Variants in STAB2 observed in about 807,000 individuals in gnomAD.
STAB2 encodes the protein stabilin-2.
STAB2 carries 288 observed loss-of-function variants against 338.1 expected under a neutral mutation model. The observed-to-expected ratio is 0.85, with a 90% CI of 0.77 to 0.94. The LOEUF is 0.94. STAB2 is among the 40% of genes least tolerant of loss of function. The pLI is 0.00. For missense variants in STAB2, 3,141 were observed against 3,210.1 expected, an observed-to-expected ratio of 0.98 and a Z score of 0.52; for synonymous variants, 1,202 against 1,193.3, an observed-to-expected ratio of 1.01 and a Z score of -0.15.
At chr12:103,596,135 C>T (rs900527547) in intron 3 of STAB2, among the ~76,000 whole-genome samples, 2 of 152,152 alleles carry the variant, frequency 1.3e-5, no homozygotes, top group African/African-American at 2.4e-5. Context: ...CAATTAACTC[C>T]GACTTCCAGA....
At position 103,713,795 on chromosome 12, in the gene STAB2, C is replaced by G; in HGVS notation, c.4537+27C>G. 1.9e-6 allele frequency: 3 copies of G among 1,612,034 alleles called. No individual in the cohort carries two copies. The South Asian group carries it at 3.3e-5, about 18-fold the overall frequency. The stretch of plus-strand genomic sequence containing the variant: ...TAGGTGTCCTTCCCTCTTCCATCGG[C>G]GAAATGGTATAAGAGTCATAGCCCT... On this transcript the variant is annotated intron_variant, in intron 42 of 68. Transcript: ENST00000388887.
intron 53 of STAB2, 31 bp downstream of exon 53, chr12:103,737,811 G>A (rs1466534053): frequency 6.2e-7 from 1 of 1,612,284 alleles, no homozygotes; most frequent in Non-Finnish European, 8.5e-7. Context: ...TGTAGTAAGA[G>A]AACCTTAAGC....
chr12:103,723,337 TAAGAG>T (rs1021001470), intron 44 of STAB2, among the ~76,000 whole-genome samples: 35 of 152,268 alleles, frequency 2.3e-4, no homozygotes, highest in African/African-American at 6.0e-4. Flanking sequence ...TGGTGGCAGA[TAAGAG>T]AAGGGAGCTT....
At chr12:103,759,336 C>T (rs1884373298) in intron 65 of STAB2, 63 bp downstream of exon 65, 4 of 1,588,954 alleles carry the variant, frequency 2.5e-6, no homozygotes, top group Non-Finnish European at 1.7e-6. Context: ...TCCTGGCATA[C>T]AGTAGGTGCT....
intron 27 of STAB2, among the ~76,000 whole-genome samples, chr12:103,686,599 A>G (rs1236216324): frequency 6.6e-6 from 1 of 152,062 alleles, no homozygotes; most frequent in African/African-American, 2.4e-5. Context: ...TGACCTCCCC[A>G]GGTTCAGGTG....
At chr12:103,592,564 GACAT>G (rs1369071699) in intron 2 of STAB2, among the ~76,000 whole-genome samples, 2 of 152,044 alleles carry the variant, frequency 1.3e-5, no homozygotes, top group South Asian at 2.1e-4. Context: ...AGATATTACT[GACAT>G]ACAAAAACCT....
intron 57 of STAB2, 37 bp downstream of exon 57, chr12:103,745,314 G>A (rs777085173): frequency 3.8e-6 from 6 of 1,586,594 alleles, no homozygotes; most frequent in African/African-American, 2.7e-5. Flanking sequence ...GGCAGCCCAG[G>A]GCTGCAGTGG....
intron 2 of STAB2, among the ~76,000 whole-genome samples, chr12:103,591,696 G>A (rs1195054795): frequency 1.3e-5 from 2 of 152,112 alleles, no homozygotes; most frequent in Non-Finnish European, 2.9e-5. Context: ...ATTAGAAGTC[G>A]AAGAAGGGGG....
chr12:103,667,770 G>A (rs1042046528), intron 19 of STAB2, among the ~76,000 whole-genome samples: 1 of 152,214 alleles, frequency 6.6e-6, no homozygotes, highest in Non-Finnish European at 1.5e-5. Context: ...AACAGCCTAA[G>A]ATGAAGGGAT....
At position 103,700,353 on chromosome 12, in the gene STAB2, G is replaced by A. The variant is rs571486471; in HGVS notation, c.3714+1126G>A. Among the ~76,000 whole-genome samples, 16 of 152,264 alleles carry A rather than the reference G, an allele frequency of 1.1e-4. No individual in the cohort carries two copies. The East Asian group carries it at 1.2e-3, about 11-fold the overall frequency. On this transcript the variant is annotated intron_variant, in intron 34 of 68. Transcript: ENST00000388887. The stretch of plus-strand genomic sequence containing the variant: ...GGTTTAATCACAGAACTTTTTAAGC[G>A]ACAATATTTGAACCTTTCTAAAAAG...
chr12:103,741,462 G>A (rs371427620), intron 55 of STAB2, among the ~76,000 whole-genome samples: 13 of 151,964 alleles, frequency 8.6e-5, no homozygotes, highest in South Asian at 2.1e-4. Context: ...CCTCCCCACT[G>A]ACTTTTTTTG....
intron 3 of STAB2, among the ~76,000 whole-genome samples, chr12:103,619,767 C>A (rs1057227935): frequency 4.0e-5 from 6 of 151,826 alleles, no homozygotes; most frequent in Non-Finnish European, 8.8e-5. Flanking sequence ...CCCCCGCCAC[C>A]CCACAACTCT....
intron 33 of STAB2, among the ~76,000 whole-genome samples, chr12:103,696,174 T>C (rs1280869872): frequency 6.6e-6 from 1 of 152,078 alleles, no homozygotes; most frequent in Non-Finnish European, 1.5e-5. Context: ...TTAGGATCTA[T>C]CTATAGAACC....
chr12:103,631,008 C>T (rs529975533), intron 5 of STAB2, among the ~76,000 whole-genome samples: 1 of 152,228 alleles, frequency 6.6e-6, no homozygotes, highest in Non-Finnish European at 1.5e-5. Context: ...AATCTTGCTA[C>T]AAACCAACCA....
intron 25 of STAB2, among the ~76,000 whole-genome samples, chr12:103,679,282 C>T (rs1308766375): frequency 6.6e-6 from 1 of 151,884 alleles, no homozygotes; most frequent in African/African-American, 2.4e-5. Flanking sequence ...GCAGGAGAAT[C>T]GCTTGAACCT....
chr12:103,765,291 G>A (rs1884857396), intron 68 of STAB2, among the ~76,000 whole-genome samples: 1 of 152,072 alleles, frequency 6.6e-6, no homozygotes, highest in Non-Finnish European at 1.5e-5. Context: ...TTTACCTGAG[G>A]CAGGTGAGAA....
At chr12:103,717,915 T>A in intron 44 of STAB2, 74 bp downstream of exon 44, 1 of 1,483,326 alleles carries the variant, frequency 6.7e-7, no homozygotes, top group Non-Finnish European at 9.4e-7. Flanking sequence ...TTCTCGGGGA[T>A]GCAGAGTTGA....
chr12:103,629,150 C>G (rs771180493), intron 5 of STAB2, among the ~76,000 whole-genome samples: 2 of 152,212 alleles, frequency 1.3e-5, no homozygotes, highest in African/African-American at 2.4e-5. Context: ...TGACAGCTGT[C>G]CCCTGGCTGC....
chr12:103,670,880 G>A, intron 22 of STAB2, 73 bp downstream of exon 22: 2 of 1,279,724 alleles, frequency 1.6e-6, no homozygotes, highest in South Asian at 1.3e-5. Flanking sequence ...GGGTGCTGGT[G>A]CAGGGCTGGT....
Sources: allele counts gnomAD v4.1 joint callset (sites outside exome capture counted in the v4.1 genomes callset), GRCh38; gene constraint gnomAD v4.1.1; transcripts MANE v1.5; gene names NCBI Gene and HGNC (gene_info 2026-07-23, HGNC 2026-07-21).